The following TTC39B variants were observed in gnomAD, a reference collection of about 807,000 sequenced individuals.
TTC39B encodes the protein tetratricopeptide repeat protein 39B.
Under a neutral mutation model 96.6 loss-of-function variants are expected in TTC39B, and 92 were observed. The ratio of observed to expected loss-of-function variants is 0.95; its 90% CI spans 0.80 to 1.13. The LOEUF is 1.13. Ranked by LOEUF, TTC39B falls within the 50% of genes most tolerant of loss-of-function variation. TTC39B has a pLI of 0.00. For missense variants in TTC39B, 955 were observed against 809.3 expected (o/e 1.18, Z -2.18); for synonymous variants, 367 against 299.4 (o/e 1.23, Z -2.33).
chr9:15,266,035 C>G (rs1344926658), intron 2 of TTC39B, among the ~76,000 whole-genome samples: 2 of 152,134 alleles, frequency 1.3e-5, no homozygotes, highest in Non-Finnish European at 2.9e-5. Flanking sequence ...TAGGTACAAA[C>G]TAAATAAATC....
chr9:15,184,068 A>C (rs371417120), intron 16 of TTC39B, among the ~76,000 whole-genome samples: 8 of 152,314 alleles, frequency 5.3e-5, no homozygotes, highest in Admixed American at 2.0e-4. Context: ...CAACAACCCA[A>C]TGAAAAATTA....
At chr9:15,220,929 G>A (rs866581696) in intron 3 of TTC39B, among the ~76,000 whole-genome samples, 2 of 152,146 alleles carry the variant, frequency 1.3e-5, no homozygotes, top group African/African-American at 4.8e-5. Flanking sequence ...AAGCAAGGTC[G>A]AGCCTGGTTA....
intron 4 of TTC39B, among the ~76,000 whole-genome samples, chr9:15,212,150 A>C (rs1439173554): frequency 2.0e-5 from 3 of 152,178 alleles, no homozygotes; most frequent in Admixed American, 1.3e-4. Context: ...TTTTGTTTTT[A>C]ATTTAAATAT....
Position 15,196,568 on chromosome 9 carries a change from G to A in TTC39B, c.824+3293C>T, listed in dbSNP as rs182928432. 1.2e-3 allele frequency among the ~76,000 whole-genome samples: 184 copies of A among 152,346 alleles called. 1 individual carries two copies. Among genetic ancestry groups the A allele is most frequent in the Non-Finnish European group, 1.3e-3 (88 of 68,032 alleles). On this transcript the variant is annotated intron_variant, in intron 8 of 19. Coordinates refer to ENST00000512701, the Ensembl canonical transcript of TTC39B. ...ACTAGAATTAGAAGTGGAGCCTGAA[G>A]ATGAGACTGACTGCTGCCATCTCAT...
chr9:15,279,022 C>T (rs10961950), intron 1 of TTC39B, among the ~76,000 whole-genome samples: 34,428 of 152,170 alleles, frequency 0.23, 6,844 homozygotes, highest in African/African-American at 0.54. Context: ...TGAGCCTCAA[C>T]TTTTCCATCT....
intron 3 of TTC39B, 66 bp downstream of exon 3, chr9:15,225,851 T>C (rs2131403971): frequency 3.5e-6 from 5 of 1,440,852 alleles, no homozygotes; most frequent in Non-Finnish European, 4.8e-6. Context: ...ATATCAGTAT[T>C]ATATTCCTTC....
exon 20 of TTC39B, chr9:15,166,982 T>TTTTTTTATATATA (rs1387664027): frequency 9.9e-5 from 2 of 20,276 alleles, no homozygotes; most frequent in Non-Finnish European, 1.8e-4. Context: ...AACCTTTATT[T>TTTTTTTATATATA]TATATATATA....
At chr9:15,172,917 G>C (rs1175217379) in intron 19 of TTC39B, among the ~76,000 whole-genome samples, 6 of 152,100 alleles carry the variant, frequency 3.9e-5, no homozygotes, top group African/African-American at 1.4e-4. Context: ...TGTTACTGGA[G>C]TTTACCGACA....
chr9:15,252,554 A>C (rs999798796), intron 2 of TTC39B, among the ~76,000 whole-genome samples: 1 of 152,166 alleles, frequency 6.6e-6, no homozygotes, highest in African/African-American at 2.4e-5. Flanking sequence ...AGGCTGAGGC[A>C]GGAGAATGGC....
At chr9:15,196,926 C>A (rs1819204571) in intron 8 of TTC39B, among the ~76,000 whole-genome samples, 1 of 152,216 alleles carries the variant, frequency 6.6e-6, no homozygotes, top group Admixed American at 6.5e-5. Flanking sequence ...CCTTCAGCAA[C>A]CACCACCCTG....
chr9:15,172,139 T>C (rs758728517), intron 19 of TTC39B, 30 bp from the exon 20 acceptor site: 1 of 1,563,710 alleles, frequency 6.4e-7, no homozygotes, highest in Non-Finnish European at 8.8e-7. Context: ...AATTGTACAG[T>C]CAAAATTTCC....
At chr9:15,222,764 T>G (rs1261065320) in intron 3 of TTC39B, among the ~76,000 whole-genome samples, 2 of 152,176 alleles carry the variant, frequency 1.3e-5, no homozygotes, top group African/African-American at 2.4e-5. Context: ...TTCCTTTAAT[T>G]CTAAGGCCCT....
At chr9:15,228,690 T>C (rs1022607121) in intron 2 of TTC39B, among the ~76,000 whole-genome samples, 1 of 152,206 alleles carries the variant, frequency 6.6e-6, no homozygotes, top group African/African-American at 2.4e-5. Context: ...TCCCACTCCT[T>C]AAGTAGAACA....
chr9:15,233,248 T>C (rs1821531668), intron 2 of TTC39B, among the ~76,000 whole-genome samples: 1 of 152,096 alleles, frequency 6.6e-6, no homozygotes, highest in Non-Finnish European at 1.5e-5. Context: ...TTCCCAATGA[T>C]CCGCAGATGT....
At chr9:15,294,296 T>C (rs1247230646) in intron 1 of TTC39B, among the ~76,000 whole-genome samples, 1 of 152,140 alleles carries the variant, frequency 6.6e-6, no homozygotes, top group African/African-American at 2.4e-5. Context: ...TCAGGAATGC[T>C]TGCACACTCT....
chr9:15,237,651 T>A, intron 2 of TTC39B, among the ~76,000 whole-genome samples: 1 of 119,046 alleles, frequency 8.4e-6, no homozygotes, highest in Non-Finnish European at 1.7e-5. Flanking sequence ...TAAAAAATCT[T>A]CTGGAAAAAA....
At chr9:15,301,255 G>A (rs912265526) in intron 1 of TTC39B, among the ~76,000 whole-genome samples, 15 of 152,198 alleles carry the variant, frequency 9.9e-5, no homozygotes, top group African/African-American at 3.4e-4. Context: ...TACTCAGAGT[G>A]CCCTGCTTTG....
intron 2 of TTC39B, among the ~76,000 whole-genome samples, chr9:15,227,286 C>T (rs1162637719): frequency 3.4e-5 from 5 of 147,830 alleles, no homozygotes; most frequent in Non-Finnish European, 5.9e-5. Flanking sequence ...CCAGCCTGGG[C>T]GACAAGAGCA....
intron 8 of TTC39B, among the ~76,000 whole-genome samples, chr9:15,193,915 G>A (rs1819002426): frequency 6.6e-6 from 1 of 152,130 alleles, no homozygotes; most frequent in African/African-American, 2.4e-5. Flanking sequence ...GAACTATTCC[G>A]AATGAAAAGA....
Sources: allele counts gnomAD v4.1 joint callset (sites outside exome capture counted in the v4.1 genomes callset), GRCh38; gene constraint gnomAD v4.1.1; transcripts MANE v1.5; gene names NCBI Gene and HGNC (gene_info 2026-07-23, HGNC 2026-07-21).